The following LRP1B variants were observed in gnomAD, a reference collection of about 807,000 sequenced individuals.
LRP1B encodes the protein low-density lipoprotein receptor-related protein 1B.
LRP1B carries 217 observed loss-of-function variants against 556.6 expected under a neutral mutation model. That is an observed-to-expected ratio of 0.39 (90% CI 0.35 to 0.44). LRP1B has a LOEUF of 0.44. Ranked by LOEUF, LRP1B falls within the 20% of genes least tolerant of loss-of-function variation. The pLI, the probability that LRP1B is intolerant of heterozygous loss-of-function variation, is 1.00. For synonymous variants in LRP1B, 2,047 were observed against 1,865.8 expected (o/e 1.10, Z -2.50); for missense variants, 5,053 against 5,620.8 (o/e 0.90, Z 3.23).
rs77042157 is a variant in LRP1B, at chr2:141,421,924, C to T, written c.343+58472G>A. Among the ~76,000 whole-genome samples the T allele has an allele frequency of 6.4e-3, 974 of 152,256 alleles. 4 individuals are homozygous for T. Among genetic ancestry groups the T allele is most frequent in the Non-Finnish European group, 0.011 (735 of 68,014 alleles). On this transcript the variant is annotated intron_variant, in intron 3 of 90. Transcript: ENST00000389484. ...AATGTAATGTCTTTCATCTTTGAGTCTCTCTCTTGGTTGTTGAGGATAGAC... is the reference window on the plus strand; with the variant it reads ...AATGTAATGTCTTTCATCTTTGAGTTTCTCTCTTGGTTGTTGAGGATAGAC...
intron 71 of LRP1B, among the ~76,000 whole-genome samples, chr2:140,365,478 A>C (rs981617849): frequency 6.6e-6 from 1 of 151,750 alleles, no homozygotes; most frequent in African/African-American, 2.4e-5. Context: ...CAAAGGACCT[A>C]AGTAATGAAT....
At chr2:140,901,187 C>T (rs1694095176) in intron 23 of LRP1B, among the ~76,000 whole-genome samples, 1 of 151,476 alleles carries the variant, frequency 6.6e-6, no homozygotes, top group Non-Finnish European at 1.5e-5. Flanking sequence ...AATGAACAAT[C>T]GATTGGACAG....
chr2:140,541,115 G>T lies in LRP1B; in HGVS notation c.7388-17C>A. The stretch of plus-strand genomic sequence containing the variant: ...AAAGTTCACCTACAATAAAGAGGGT[G>T]TATTGGTAACATTTTATATCGAATT... On this transcript the variant is annotated splice_polypyrimidine_tract_variant and intron_variant, in intron 44 of 90. Transcript: ENST00000389484. The T allele has an allele frequency of 6.3e-7, 1 of 1,588,886 alleles. No homozygotes were observed. Among genetic ancestry groups the T allele is most frequent in the Non-Finnish European group, 8.6e-7 (1 of 1,161,026 alleles).
intron 2 of LRP1B, among the ~76,000 whole-genome samples, chr2:141,553,480 A>T (rs1477719200): frequency 1.3e-5 from 2 of 151,374 alleles, no homozygotes; most frequent in African/African-American, 4.8e-5. Context: ...ATTATCCCAA[A>T]TTTTTTCTCG....
intron 1 of LRP1B, among the ~76,000 whole-genome samples, chr2:142,021,033 T>C (rs1703311906): frequency 6.6e-6 from 1 of 152,170 alleles, no homozygotes; most frequent in African/African-American, 2.4e-5. Flanking sequence ...CTACAAAAAG[T>C]CATTGAATGA....
At chr2:141,798,804 G>A (rs1695909058) in intron 2 of LRP1B, among the ~76,000 whole-genome samples, 1 of 151,208 alleles carries the variant, frequency 6.6e-6, no homozygotes, top group South Asian at 2.1e-4. Context: ...ATATGTGGAA[G>A]TCCTAAACTT....
intron 4 of LRP1B, among the ~76,000 whole-genome samples, chr2:141,249,236 A>G (rs761780997): frequency 6.6e-6 from 1 of 152,200 alleles, no homozygotes; most frequent in Non-Finnish European, 1.5e-5. Context: ...ACAGAGGAAG[A>G]GGAGATGAAA....
chr2:140,453,030 GA>G (rs1686949031), intron 62 of LRP1B, among the ~76,000 whole-genome samples: 1 of 150,448 alleles, frequency 6.6e-6, no homozygotes, highest in South Asian at 2.1e-4. Flanking sequence ...ACTGTCTGGG[GA>G]TATGAGGGAA....
At chr2:141,515,714 G>A (rs534959517) in intron 2 of LRP1B, among the ~76,000 whole-genome samples, 11 of 152,216 alleles carry the variant, frequency 7.2e-5, no homozygotes, top group Non-Finnish European at 4.4e-5. Flanking sequence ...GCTTCTGAAG[G>A]CTAGTGTACA....
chr2:141,329,383 C>T (rs1180299701), intron 3 of LRP1B, among the ~76,000 whole-genome samples: 16 of 90,660 alleles, frequency 1.8e-4, no homozygotes, highest in South Asian at 3.0e-4. Flanking sequence ...AGCAAAACTC[C>T]GTCAAAAAAA....
chr2:141,382,722 G>T (rs147063772), intron 3 of LRP1B, among the ~76,000 whole-genome samples: 1 of 152,164 alleles, frequency 6.6e-6, no homozygotes, highest in Admixed American at 6.5e-5. Flanking sequence ...ATGCAACAAC[G>T]CATTAAAAAG....
intron 41 of LRP1B, among the ~76,000 whole-genome samples, chr2:140,639,500 G>A (rs1684196538): frequency 6.6e-6 from 1 of 152,180 alleles, no homozygotes; most frequent in Admixed American, 6.5e-5. Context: ...GTCACTGACA[G>A]TTGATGAGCT....
chr2:140,272,696 G>T (rs1242929579), intron 85 of LRP1B, among the ~76,000 whole-genome samples: 3 of 151,774 alleles, frequency 2.0e-5, no homozygotes, highest in Non-Finnish European at 4.4e-5. Flanking sequence ...TCATTTTAAT[G>T]CTAATGTGAA....
At chr2:140,716,597 G>T (rs2105463474) in intron 36 of LRP1B, 85 bp downstream of exon 36, 1 of 1,350,508 alleles carries the variant, frequency 7.4e-7, no homozygotes. Context: ...GCACTGTTAT[G>T]AGTTAGAAAA....
In LRP1B at chr2:140,803,290, T is replaced by TTTTTTTTTTC. The variant is rs869303438; in HGVS notation, c.5359+10366_5359+10367insGAAAAAAAAA. On this transcript the variant is annotated intron_variant, in intron 32 of 90. Coordinates refer to ENST00000389484, the MANE Select transcript of LRP1B (RefSeq NM_018557.3). ...TTTTTTTTTTTTTTTTTTTTTTTTTTCCGAGATGGAGTCTCCCTCTGTCTC... is the reference window on the plus strand; with the variant it reads ...TTTTTTTTTTTTTTTTTTTTTTTTTTTTTTTTTTTCCCGAGATGGAGTCTCCCTCTGTCTC... 5.0e-4 allele frequency among the ~76,000 whole-genome samples: 58 copies of TTTTTTTTTTC among 115,262 alleles called. 3 individuals are homozygous for TTTTTTTTTTC. The highest frequency in any genetic ancestry group is 1.9e-3 in the African/African-American group (54 of 28,836). The allele number at this position is 115,262 out of a possible 152,430, so 75.6% of individuals were successfully genotyped here.
chr2:141,229,147 A>C, intron 6 of LRP1B, 36 bp downstream of exon 6: 1 of 1,604,290 alleles, frequency 6.2e-7, no homozygotes, highest in Non-Finnish European at 8.5e-7. Flanking sequence ...TGAAATCAGT[A>C]AAGGGTGGCA....
chr2:141,006,933 G>A (rs184467034), intron 14 of LRP1B, among the ~76,000 whole-genome samples: 32 of 151,854 alleles, frequency 2.1e-4, no homozygotes, highest in Non-Finnish European at 4.3e-4. Context: ...TCTATGCCAC[G>A]TATGACTCTA....
chr2:141,490,370 CGTGTGTGTGT>C (rs767310378), intron 2 of LRP1B, among the ~76,000 whole-genome samples: 1 of 121,228 alleles, frequency 8.2e-6, no homozygotes, highest in African/African-American at 3.3e-5. Context: ...AAAATAGCCT[CGTGTGTGTGT>C]GTGTGTGTGT....
chr2:140,855,815 G>A lies in LRP1B; in HGVS notation c.4580-4032C>T, dbSNP rs551510933. On this transcript the variant is annotated intron_variant, in intron 27 of 90. Transcript: ENST00000389484. ...TGCACTCCAGCCTGGCCCACAGAGC[G>A]AGACTGTCTCTAAAAGCAGGTAAAC... Among the ~76,000 whole-genome samples, 7 of 152,200 alleles carry A rather than the reference G, an allele frequency of 4.6e-5. No homozygotes were observed. The East Asian group carries it at 1.4e-3, about 29-fold the overall frequency.
Sources: allele counts gnomAD v4.1 joint callset (sites outside exome capture counted in the v4.1 genomes callset), GRCh38; gene constraint gnomAD v4.1.1; transcripts MANE v1.5; gene names NCBI Gene and HGNC (gene_info 2026-07-23, HGNC 2026-07-21).